The following MECOM variants were observed in gnomAD, a reference collection of about 807,000 sequenced individuals.
The protein encoded by MECOM is histone-lysine N-methyltransferase MECOM.
MECOM carries 13 observed loss-of-function variants against 116.3 expected under a neutral mutation model. The ratio of observed to expected loss-of-function variants is 0.11; its 90% CI spans 0.07 to 0.18. MECOM has a LOEUF of 0.18. MECOM is among the 10% of genes least tolerant of loss of function. The pLI, the probability that MECOM is intolerant of heterozygous loss-of-function variation, is 1.00. For synonymous variants in MECOM, 528 were observed against 535.2 expected, an observed-to-expected ratio of 0.99 and a Z score of 0.19; for missense variants, 1,299 against 1,509.0, an observed-to-expected ratio of 0.86 and a Z score of 2.31.
chr3:169,576,744 A>C lies in MECOM; in HGVS notation c.37+86592T>G, dbSNP rs190608119. 2.0e-5 allele frequency among the ~76,000 whole-genome samples: 3 copies of C among 151,712 alleles called. No homozygotes were observed. The South Asian group carries it at 6.3e-4, about 32-fold the overall frequency. On this transcript the variant is annotated intron_variant, in intron 1 of 16. Transcript: ENST00000651503. ...AGGTTCAGTGATGCATCCAAGGTCC[A>C]TGATCAGGATTTCATTTTATTGTCT... is the stretch of plus-strand genomic sequence containing the variant.
chr3:169,642,661 C>A (rs893721663), intron 1 of MECOM, among the ~76,000 whole-genome samples: 1 of 151,512 alleles, frequency 6.6e-6, no homozygotes, highest in Non-Finnish European at 1.5e-5. Flanking sequence ...CAAATTATCT[C>A]GGAGATTGAG....
intron 2 of MECOM, among the ~76,000 whole-genome samples, chr3:169,308,012 T>C (rs1718031707): frequency 6.6e-6 from 1 of 152,234 alleles, no homozygotes; most frequent in African/African-American, 2.4e-5. Flanking sequence ...CTATTTACTT[T>C]AGTTAGGTTA....
At chr3:169,485,945 G>C (rs368840078) in intron 1 of MECOM, among the ~76,000 whole-genome samples, 31 of 28,930 alleles carry the variant, frequency 1.1e-3, no homozygotes, top group East Asian at 9.1e-3. Flanking sequence ...ATATATGTAT[G>C]TATATATGTA....
At chr3:169,142,478 CAT>C (rs1738414061) in intron 3 of MECOM, among the ~76,000 whole-genome samples, 1 of 151,880 alleles carries the variant, frequency 6.6e-6, no homozygotes, top group African/African-American at 2.4e-5. Context: ...GACAGTAACT[CAT>C]ATGATAGACG....
At chr3:169,334,469 T>C (rs1723270572) in intron 2 of MECOM, among the ~76,000 whole-genome samples, 1 of 152,156 alleles carries the variant, frequency 6.6e-6, no homozygotes, top group African/African-American at 2.4e-5. Flanking sequence ...AGATTTTAAT[T>C]TGATTGTTCA....
intron 1 of MECOM, among the ~76,000 whole-genome samples, chr3:169,420,797 A>C (rs559779731): frequency 1.3e-5 from 2 of 152,314 alleles, no homozygotes; most frequent in South Asian, 4.1e-4. Flanking sequence ...TAGGATGGTC[A>C]CTAAAGTGTT....
chr3:169,283,987 C>A (rs992500412), intron 2 of MECOM, among the ~76,000 whole-genome samples: 1 of 152,204 alleles, frequency 6.6e-6, no homozygotes, highest in African/African-American at 2.4e-5. Flanking sequence ...ACCATTTCCA[C>A]TAGTTTTCCC....
At chr3:169,224,477 C>G (rs761951568) in intron 2 of MECOM, among the ~76,000 whole-genome samples, 6 of 152,184 alleles carry the variant, frequency 3.9e-5, no homozygotes, top group Admixed American at 1.3e-4. Context: ...GCAGCCCCAA[C>G]ACTTTCCCAG....
intron 2 of MECOM, among the ~76,000 whole-genome samples, chr3:169,325,159 C>T (rs936661755): frequency 1.2e-4 from 19 of 152,252 alleles, no homozygotes; most frequent in South Asian, 8.3e-4. Context: ...GTGGACACTG[C>T]GGAGCACACC....
chr3:169,455,192 G>T (rs1746270931), intron 1 of MECOM, among the ~76,000 whole-genome samples: 1 of 152,160 alleles, frequency 6.6e-6, no homozygotes, highest in African/African-American at 2.4e-5. Flanking sequence ...CTGAACATCA[G>T]AAAATGATAG....
At chr3:169,369,734 C>T (rs948294355) in intron 2 of MECOM, among the ~76,000 whole-genome samples, 1 of 151,938 alleles carries the variant, frequency 6.6e-6, no homozygotes, top group African/African-American at 2.4e-5. Flanking sequence ...GTCCCATTAA[C>T]TAATCTTCAC....
chr3:169,241,033 T>C (rs1330077417), intron 2 of MECOM, among the ~76,000 whole-genome samples: 3 of 152,134 alleles, frequency 2.0e-5, no homozygotes. Context: ...ATTGCAACAG[T>C]GGAAGTACTG....
At chr3:169,450,300 A>G (rs1745336367) in intron 1 of MECOM, among the ~76,000 whole-genome samples, 1 of 152,172 alleles carries the variant, frequency 6.6e-6, no homozygotes, top group Non-Finnish European at 1.5e-5. Context: ...AACACACAGC[A>G]CCAGGAAGAA....
At chr3:169,321,927 G>A (rs1720935414) in intron 2 of MECOM, among the ~76,000 whole-genome samples, 2 of 152,158 alleles carry the variant, frequency 1.3e-5, no homozygotes, top group South Asian at 2.1e-4. Context: ...AAGAACACAG[G>A]GAGCCACCGA....
At chr3:169,118,336 T>G (rs1729850012) in intron 7 of MECOM, among the ~76,000 whole-genome samples, 1 of 152,192 alleles carries the variant, frequency 6.6e-6, no homozygotes, top group African/African-American at 2.4e-5. Context: ...AACATGCATT[T>G]TAATGGGAAT....
At chr3:169,145,212 T>C (rs1739496778) in intron 2 of MECOM, 2 of 556,320 alleles carry the variant, frequency 3.6e-6, no homozygotes, top group South Asian at 5.6e-5. Context: ...AACTCTTCTT[T>C]TTCAAGGATG....
intron 5 of MECOM, among the ~76,000 whole-genome samples, chr3:169,123,746 C>A (rs6779739): frequency 0.07 from 10,710 of 151,968 alleles, 497 homozygotes; most frequent in South Asian, 0.2. Flanking sequence ...AAAAGGCAAG[C>A]AATTTATAGA....
intron 2 of MECOM, among the ~76,000 whole-genome samples, chr3:169,234,535 A>G (rs1753800170): frequency 2.0e-5 from 3 of 152,188 alleles, no homozygotes; most frequent in African/African-American, 4.8e-5. Flanking sequence ...AGGAATAGCC[A>G]TGTATTATAG....
At chr3:169,428,042 T>C (rs1193644939) in intron 1 of MECOM, among the ~76,000 whole-genome samples, 1 of 152,202 alleles carries the variant, frequency 6.6e-6, no homozygotes, top group Admixed American at 6.5e-5. Flanking sequence ...GGCCATGTCC[T>C]GGTGGCAGGT....
Sources: allele counts gnomAD v4.1 joint callset (sites outside exome capture counted in the v4.1 genomes callset), GRCh38; gene constraint gnomAD v4.1.1; transcripts MANE v1.5; gene names NCBI Gene and HGNC (gene_info 2026-07-23, HGNC 2026-07-21).